PAM: variants seen among roughly 807,000 people sequenced by gnomAD.
PAM encodes peptidyl-glycine alpha-amidating monooxygenase.
A neutral mutation model predicts 122.1 loss-of-function variants in PAM; 72 were observed. The ratio of observed to expected loss-of-function variants is 0.59; its 90% CI spans 0.49 to 0.72. The LOEUF is 0.72. Among genes scored for constraint, PAM ranks in the 30% least tolerant of loss-of-function variants. The pLI, the probability that PAM is intolerant of heterozygous loss-of-function variation, is 0.00. For missense variants in PAM, 1,106 were observed against 1,183.7 expected (o/e 0.93, Z 0.96); for synonymous variants, 389 against 404.4 (o/e 0.96, Z 0.46).
chr5:103,009,842 A>G lies in PAM; in HGVS notation c.2307A>G (p.Ile769Met), dbSNP rs2230457. The change falls in exon 21 of 26, where the codon ATA becomes ATG. Residue 769 changes from isoleucine (I) to methionine (M), a missense_variant. Transcript: ENST00000438793. ...FVMNFSNGEI[I>M]DIFKPVRKHF... ...TGAACTTTTCCAATGGGGAAATTAT[A>G]GACATCTTCAAGCCAGTGCGCAAGG... The G allele has an allele frequency of 3.7e-6, 6 of 1,604,532 alleles. No individual in the cohort carries two copies. The African/African-American group carries it at 6.7e-5, about 18-fold the overall frequency.
chr5:103,026,715 A>G (rs1279652577), intron 24 of PAM, among the ~76,000 whole-genome samples: 1 of 152,216 alleles, frequency 6.6e-6, no homozygotes, highest in African/African-American at 2.4e-5. Context: ...GAAAGAATGA[A>G]TGAATAAATC....
intron 4 of PAM, among the ~76,000 whole-genome samples, chr5:102,911,952 G>A (rs538069860): frequency 3.3e-5 from 5 of 151,974 alleles, no homozygotes; most frequent in South Asian, 2.1e-4. Context: ...CATCCTCGCA[G>A]CTTCAGGGTT....
At chr5:102,998,289 C>T (rs1776311238) in intron 16 of PAM, among the ~76,000 whole-genome samples, 1 of 152,140 alleles carries the variant, frequency 6.6e-6, no homozygotes, top group African/African-American at 2.4e-5. Context: ...TACTGCATCC[C>T]ATTCTTGGAG....
chr5:102,950,870 C>A, intron 12 of PAM, 50 bp downstream of exon 12: 1 of 1,092,904 alleles, frequency 9.1e-7, no homozygotes, highest in Non-Finnish European at 1.4e-6. Context: ...TGGGATAAGG[C>A]ATGATTACAG....
chr5:102,792,353 G>A (rs1000490725), intron 1 of PAM, among the ~76,000 whole-genome samples: 2 of 152,198 alleles, frequency 1.3e-5, no homozygotes, highest in Admixed American at 6.5e-5. Context: ...GATAAACGAC[G>A]TGGGGAAAGA....
At chr5:102,794,833 G>A (rs1334641001) in intron 1 of PAM, among the ~76,000 whole-genome samples, 2 of 151,984 alleles carry the variant, frequency 1.3e-5, no homozygotes, top group African/African-American at 4.8e-5. Context: ...AGGTTATTTG[G>A]CTTTCCTCAA....
chr5:102,862,053 C>G (rs1031819225), intron 1 of PAM, among the ~76,000 whole-genome samples: 6 of 151,482 alleles, frequency 4.0e-5, no homozygotes, highest in Non-Finnish European at 8.8e-5. Flanking sequence ...GTCTGTAGTC[C>G]CGGCTACTCG....
At position 102,865,942 on chromosome 5, in the gene PAM, G is replaced by T; in HGVS notation, c.-254G>T. The T allele has an allele frequency of 4.8e-6, 2 of 420,430 alleles. No individual in the cohort carries two copies. The highest frequency in any genetic ancestry group is 8.3e-6 in the Non-Finnish European group (2 of 240,776). 26.0% of individuals were successfully genotyped at this position (420,430 alleles called of 1,614,324 possible). On this transcript the variant is annotated 5_prime_UTR_variant, in exon 2 of 26. Transcript: ENST00000438793. ...CAGGGCACGCGAGCGGCGCTGGAGG[G>T]AGGAAAGCTTCCGCCTGCGGGCCGG...
At chr5:102,937,591 T>A (rs972714360) in intron 7 of PAM, among the ~76,000 whole-genome samples, 1 of 152,142 alleles carries the variant, frequency 6.6e-6, no homozygotes, top group African/African-American at 2.4e-5. Flanking sequence ...CACTCGTTTT[T>A]AAAATCAGAG....
intron 12 of PAM, among the ~76,000 whole-genome samples, chr5:102,958,563 T>C (rs1452112975): frequency 6.6e-6 from 1 of 152,152 alleles, no homozygotes; most frequent in Non-Finnish European, 1.5e-5. Context: ...AGATGTTTGT[T>C]TGGCTTTGCA....
intron 1 of PAM, among the ~76,000 whole-genome samples, chr5:102,769,305 C>T (rs931908265): frequency 6.6e-6 from 1 of 152,022 alleles, no homozygotes; most frequent in Admixed American, 6.6e-5. Context: ...TGCAGATTGT[C>T]TCTTCACTTT....
chr5:102,801,892 C>G (rs2150098225), intron 1 of PAM, among the ~76,000 whole-genome samples: 1 of 149,552 alleles, frequency 6.7e-6, no homozygotes, highest in East Asian at 2.0e-4. Flanking sequence ...CATTCTCCTG[C>G]CTCAGCCTCC....
At chr5:102,783,927 C>G (rs888766011) in intron 1 of PAM, among the ~76,000 whole-genome samples, 9 of 151,472 alleles carry the variant, frequency 5.9e-5, no homozygotes, top group African/African-American at 2.2e-4. Context: ...GGTGGAGTCT[C>G]GCTCTGTCAC....
At chr5:102,860,060 TG>T (rs1195855423) in intron 1 of PAM, among the ~76,000 whole-genome samples, 1 of 152,220 alleles carries the variant, frequency 6.6e-6, no homozygotes, top group Non-Finnish European at 1.5e-5. Flanking sequence ...ACTCTCTATA[TG>T]TATGCTGTTC....
chr5:102,788,171 T>C (rs1456379894), intron 1 of PAM, among the ~76,000 whole-genome samples: 2 of 152,118 alleles, frequency 1.3e-5, no homozygotes, highest in African/African-American at 4.8e-5. Flanking sequence ...GAAGTAATTT[T>C]CTTTTATAAT....
chr5:102,891,216 CAAAG>C (rs1416423071), intron 3 of PAM, among the ~76,000 whole-genome samples: 1 of 151,766 alleles, frequency 6.6e-6, no homozygotes, highest in African/African-American at 2.4e-5. Flanking sequence ...TTTGGGAACA[CAAAG>C]AAGAATAAAT....
chr5:102,826,924 T>A (rs1773816208), intron 1 of PAM, among the ~76,000 whole-genome samples: 1 of 152,234 alleles, frequency 6.6e-6, no homozygotes, highest in Non-Finnish European at 1.5e-5. Flanking sequence ...AAATTTAGCA[T>A]ACATATAGAT....
intron 7 of PAM, among the ~76,000 whole-genome samples, chr5:102,946,523 A>T (rs1225570491): frequency 6.7e-6 from 1 of 149,966 alleles, no homozygotes; most frequent in Non-Finnish European, 1.5e-5. Context: ...AACAATACAG[A>T]TAATGCATAG....
intron 21 of PAM, among the ~76,000 whole-genome samples, chr5:103,016,002 T>G (rs370090118): frequency 6.6e-6 from 1 of 152,164 alleles, no homozygotes; most frequent in African/African-American, 2.4e-5. Flanking sequence ...TATTACGGTA[T>G]AGAACAGGAG....
Sources: allele counts gnomAD v4.1 joint callset (sites outside exome capture counted in the v4.1 genomes callset), GRCh38; gene constraint gnomAD v4.1.1; transcripts MANE v1.5; gene names NCBI Gene and HGNC (gene_info 2026-07-23, HGNC 2026-07-21).